The following METTL25 variants were observed in gnomAD, a reference collection of about 807,000 sequenced individuals.
METTL25 encodes methyltransferase like 25.
Under a neutral mutation model 71.6 loss-of-function variants are expected in METTL25, and 64 were observed. The ratio of observed to expected loss-of-function variants is 0.89; its 90% CI spans 0.73 to 1.10. METTL25 has a LOEUF of 1.10. Among genes scored for constraint, METTL25 ranks in the 50% least tolerant of loss-of-function variants. METTL25 has a pLI of 0.00. For missense variants in METTL25, 807 were observed against 707.0 expected, an observed-to-expected ratio of 1.14 and a Z score of -1.60; for synonymous variants, 287 against 250.3, an observed-to-expected ratio of 1.15 and a Z score of -1.38.
intron 5 of METTL25, among the ~76,000 whole-genome samples, chr12:82,412,000 A>G (rs1375818673): frequency 6.6e-6 from 1 of 152,136 alleles, no homozygotes; most frequent in Non-Finnish European, 1.5e-5. Flanking sequence ...CTTTAACCAC[A>G]AAGCATATAA....
chr12:82,452,217 GACTGCCATTCCTGAAAAATATAAC>G (rs1474425205), intron 8 of METTL25, among the ~76,000 whole-genome samples: 1 of 152,120 alleles, frequency 6.6e-6, no homozygotes, highest in African/African-American at 2.4e-5. Flanking sequence ...TTATAAATAA[GACTGCCATTCCTGAAAAATATAAC>G]ACACCCCATA....
chr12:82,374,483 C>CA (rs1883604784), intron 1 of METTL25, among the ~76,000 whole-genome samples: 1 of 152,000 alleles, frequency 6.6e-6, no homozygotes, highest in Admixed American at 6.6e-5. Flanking sequence ...TGTAGCTAGA[C>CA]ACAGAGTGCT....
rs115303631 is a variant in METTL25, at chr12:82,406,875, A to G, written c.1279+3745A>G. ...GAGGTTAATCAGACAAGGAAGTAAGAAGTGTATTGCAGGCAGAATAAACAA... is the reference window on the plus strand; with the variant it reads ...GAGGTTAATCAGACAAGGAAGTAAGGAGTGTATTGCAGGCAGAATAAACAA... On this transcript the variant is annotated intron_variant, in intron 5 of 11. Coordinates refer to ENST00000248306, the MANE Select transcript of METTL25 (RefSeq NM_032230.3). Among the ~76,000 whole-genome samples, 356 of 152,222 alleles carry G rather than the reference A, an allele frequency of 2.3e-3. 2 individuals carry two copies. The highest frequency in any genetic ancestry group is 8.2e-3 in the African/African-American group (341 of 41,542).
rs200635849 is a variant in METTL25, at chr12:82,358,695, G to C, written c.130G>C (p.Glu44Gln). Residue 44 changes from glutamate (E) to glutamine (Q), a missense_variant, in exon 1 of 12, where the codon GAA becomes CAA. Physicochemically the swap from Glu to Gln is conservative, Grantham distance 29. Transcript: ENST00000248306. ...SNAHTVDFYT[E>Q]SVWEELVDLP... ...TGCACATACCGTGGATTTCTACACA[G>C]AATCCGTGTGGGAGGAGCTGGTCGA... is the stretch of plus-strand genomic sequence containing the variant. 7 of 1,614,106 alleles carry C rather than the reference G, an allele frequency of 4.3e-6. No homozygotes were observed. The highest frequency in any genetic ancestry group is 1.6e-4 in the Middle Eastern group (1 of 6,084).
At chr12:82,433,810 T>C (rs752081655) in intron 6 of METTL25, among the ~76,000 whole-genome samples, 1 of 151,590 alleles carries the variant, frequency 6.6e-6, no homozygotes, top group Non-Finnish European at 1.5e-5. Context: ...CAAATATGGG[T>C]ATTTTAAATT....
At chr12:82,416,704 C>T (rs945951279) in intron 5 of METTL25, among the ~76,000 whole-genome samples, 5 of 151,910 alleles carry the variant, frequency 3.3e-5, no homozygotes, top group African/African-American at 4.8e-5. Flanking sequence ...CATGGATGGG[C>T]TGAAGCATTC....
At chr12:82,390,362 G>C (rs1885458063) in intron 3 of METTL25, among the ~76,000 whole-genome samples, 1 of 151,950 alleles carries the variant, frequency 6.6e-6, no homozygotes, top group Non-Finnish European at 1.5e-5. Flanking sequence ...TTAAGACTTG[G>C]ATTATATCAT....
At position 82,358,763 on chromosome 12, in the gene METTL25, G is replaced by A. The variant is rs773545342; in HGVS notation, c.198G>A (p.Ala66=). 37 of 1,613,992 alleles carry A rather than the reference G, an allele frequency of 2.3e-5. No individual in the cohort carries two copies. The highest frequency in any genetic ancestry group is 2.9e-5 in the Non-Finnish European group (34 of 1,179,992). ...ETVLAALRKS[A]SETEALPSET... is the part of the protein sequence containing the mutation. Reference sequence around the variant, plus strand: ...TGCTGGCTGCGCTGAGGAAGTCAGCGTCGGAGACGGAGGCCCTGCCCTCAG... The same window carrying A: ...TGCTGGCTGCGCTGAGGAAGTCAGCATCGGAGACGGAGGCCCTGCCCTCAG... Residue 66 remains alanine, a synonymous_variant, in exon 1 of 12, where the codon GCG becomes GCA. Transcript: ENST00000248306.
Position 82,479,179 on chromosome 12 carries a change from C to A in METTL25, c.*155C>A. On this transcript the variant is annotated 3_prime_UTR_variant, in exon 12 of 12. Transcript: ENST00000248306. ...ATGGCTAACAACAGAAGGTTATAAT[C>A]CATTTTTCCATTGTCAAAGCATACA... 1.9e-6 allele frequency: 1 copy of A among 535,428 alleles called. No homozygotes were observed. The highest frequency in any genetic ancestry group is 2.9e-5 in the East Asian group (1 of 34,404). 33.2% of individuals were successfully genotyped at this position (535,428 alleles called of 1,614,324 possible).
At chr12:82,463,987 T>C (rs1381328206) in intron 9 of METTL25, among the ~76,000 whole-genome samples, 1 of 151,968 alleles carries the variant, frequency 6.6e-6, no homozygotes, top group Non-Finnish European at 1.5e-5. Context: ...ATATTTGAGT[T>C]CCTTGTATAT....
rs530231315 is a variant in METTL25 at position 82,403,098 on chromosome 12, T to G, written c.1247T>G (p.Leu416Arg). 8.8e-5 allele frequency: 142 copies of G among 1,612,856 alleles called. No homozygotes were observed. The South Asian group carries it at 1.5e-3, about 17-fold the overall frequency. ...TGCAGTGTGGGTTGTTGCTACCACCTCTTATCTGAAGAATTTGAAAACCAG... is the reference window on the plus strand; with the variant it reads ...TGCAGTGTGGGTTGTTGCTACCACCGCTTATCTGAAGAATTTGAAAACCAG... ...GVCSVGCCYH[L>R]LSEEFENQHK... Residue 416 changes from leucine (L) to arginine (R), a missense_variant, in exon 5 of 12, where the codon CTC becomes CGC. Physicochemically the swap from Leu to Arg is moderately radical, Grantham distance 102. Coordinates refer to ENST00000248306, the MANE Select transcript of METTL25 (RefSeq NM_032230.3).
chr12:82,399,430 A>G (rs1292043852), intron 4 of METTL25, 36 bp downstream of exon 4: 2 of 1,457,128 alleles, frequency 1.4e-6, no homozygotes, highest in Non-Finnish European at 1.9e-6. Flanking sequence ...TTTGATTTAC[A>G]AAAACATTGT....
chr12:82,386,877 G>A lies in METTL25; in HGVS notation c.334G>A (p.Ala112Thr). ...LVSVEAFALA[A>T]KYYSVQNLGI... ...GAGTGTGGAAGCCTTTGCTCTGGCT[G>A]CGAAATACTATTCTGTACAAAACTT... Residue 112 changes from alanine (A) to threonine (T), a missense_variant, in exon 2 of 12, where the codon GCG becomes ACG. By Grantham distance (58) the Ala-to-Thr change is moderately conservative (BLOSUM62 0). Transcript: ENST00000248306. 6.2e-7 allele frequency: 1 copy of A among 1,613,484 alleles called. No individual in the cohort carries two copies. Among genetic ancestry groups the A allele is most frequent in the East Asian group, 2.2e-5 (1 of 44,840 alleles).
Position 82,386,865 on chromosome 12 carries a change from T to C in METTL25, c.322T>C (p.Phe108Leu), listed in dbSNP as rs745340863. The C allele has an allele frequency of 3.1e-6, 5 of 1,613,508 alleles. No individual in the cohort carries two copies. The highest frequency in any genetic ancestry group is 1.3e-5 in the African/African-American group (1 of 75,004). The change falls in exon 2 of 12, where the codon TTT (phenylalanine) becomes CTT (leucine). Residue 108 changes from phenylalanine to leucine, a missense_variant. Phe to Leu is a conservative substitution (Grantham distance 22, BLOSUM62 0). Transcript: ENST00000248306. ...TCAGAAGTTGGTGAGTGTGGAAGCC[T>C]TTGCTCTGGCTGCGAAATACTATTC... ...TSQKLVSVEA[F>L]ALAAKYYSVQ... is the part of the protein sequence containing the mutation.
chr12:82,414,722 A>G (rs1158817699), intron 5 of METTL25, among the ~76,000 whole-genome samples: 1 of 147,066 alleles, frequency 6.8e-6, no homozygotes, highest in Non-Finnish European at 1.5e-5. Context: ...AATTAATATA[A>G]AACAGGTTTT....
chr12:82,424,022 C>T (rs1592700669), intron 5 of METTL25, among the ~76,000 whole-genome samples: 1 of 152,224 alleles, frequency 6.6e-6, no homozygotes, highest in South Asian at 2.1e-4. Context: ...TTGACCCAGC[C>T]ATCCCATTAC....
chr12:82,459,978 T>A (rs980989738), intron 9 of METTL25: 3 of 152,220 alleles, frequency 2.0e-5, no homozygotes, highest in Non-Finnish European at 4.4e-5. Context: ...CCTTGACTTT[T>A]TTGACAGGAT....
At chr12:82,428,585 T>G (rs112415745) in intron 5 of METTL25, among the ~76,000 whole-genome samples, 22 of 152,026 alleles carry the variant, frequency 1.4e-4, no homozygotes, top group African/African-American at 4.6e-4. Context: ...TCCCTAGGAC[T>G]TGGATAGGCT....
At position 82,446,993 on chromosome 12, in the gene METTL25, G is replaced by A. The variant is rs114469357; in HGVS notation, c.1478+8202G>A. Among the ~76,000 whole-genome samples, 1,490 of 151,970 alleles carry A rather than the reference G, an allele frequency of 9.8e-3. 23 individuals are homozygous for A. The highest frequency in any genetic ancestry group is 0.034 in the African/African-American group (1,408 of 41,474). On this transcript the variant is annotated intron_variant, in intron 8 of 11. Coordinates refer to ENST00000248306, the MANE Select transcript of METTL25 (RefSeq NM_032230.3). The stretch of plus-strand genomic sequence containing the variant: ...GTATTCAGCAAAAGAAACATTAAGA[G>A]CAAAGTATATAGCAATAAACACCTA...
Sources: gnomAD v4.1 joint callset for allele counts (sites outside exome capture counted in the v4.1 genomes callset) on GRCh38, gnomAD v4.1.1 for gene constraint, MANE v1.5 for transcripts, NCBI Gene and HGNC (gene_info 2026-07-23, HGNC 2026-07-21) for gene names.